The following MACROD2 variants were observed in gnomAD, a reference collection of about 807,000 sequenced individuals.
MACROD2 encodes the protein ADP-ribose glycohydrolase MACROD2.
A neutral mutation model predicts 70.4 loss-of-function variants in MACROD2; 36 were observed. That is an observed-to-expected ratio of 0.51 (90% CI 0.39 to 0.68). The LOEUF is 0.68. MACROD2 is among the 30% of genes least tolerant of loss of function. The pLI, the probability that MACROD2 is intolerant of heterozygous loss-of-function variation, is 0.00. For missense variants in MACROD2, 496 were observed against 538.4 expected, an observed-to-expected ratio of 0.92 and a Z score of 0.78; for synonymous variants, 172 against 178.8, an observed-to-expected ratio of 0.96 and a Z score of 0.30.
chr20:14,340,024 C>G (rs1027663403), intron 3 of MACROD2, among the ~76,000 whole-genome samples: 1 of 152,184 alleles, frequency 6.6e-6, no homozygotes, highest in Non-Finnish European at 1.5e-5. Flanking sequence ...TGTACAATCT[C>G]TGGAAACATG....
intron 5 of MACROD2, among the ~76,000 whole-genome samples, chr20:15,178,514 C>T (rs749133587): frequency 6.6e-6 from 1 of 152,238 alleles, no homozygotes; most frequent in Non-Finnish European, 1.5e-5. Flanking sequence ...TGCATATAAC[C>T]CTTGCTCTAA....
chr20:14,932,881 G>T (rs1214632943), intron 5 of MACROD2, among the ~76,000 whole-genome samples: 2 of 152,110 alleles, frequency 1.3e-5, no homozygotes, highest in African/African-American at 4.8e-5. Flanking sequence ...ATGTAAAGTT[G>T]AAGTTTAAGT....
intron 8 of MACROD2, among the ~76,000 whole-genome samples, chr20:15,726,626 A>C (rs2146943350): frequency 6.6e-6 from 1 of 152,120 alleles, no homozygotes; most frequent in South Asian, 2.1e-4. Context: ...AGCCATTCTG[A>C]CTGGTGTGAG....
chr20:14,936,520 GA>G (rs781117136), intron 5 of MACROD2, among the ~76,000 whole-genome samples: 9 of 152,002 alleles, frequency 5.9e-5, no homozygotes, highest in Non-Finnish European at 7.4e-5. Context: ...ATAAATACAT[GA>G]AAACTGCTGA....
chr20:14,277,270 A>C (rs1398194094), intron 3 of MACROD2, among the ~76,000 whole-genome samples: 1 of 152,202 alleles, frequency 6.6e-6, no homozygotes, highest in Non-Finnish European at 1.5e-5. Context: ...CAACATGGTG[A>C]AACCCCGTCT....
intron 5 of MACROD2, among the ~76,000 whole-genome samples, chr20:15,098,923 A>C (rs903562185): frequency 1.3e-5 from 2 of 152,224 alleles, no homozygotes; most frequent in African/African-American, 4.8e-5. Context: ...TACTAGTTAC[A>C]TTCAGAGTAG....
At chr20:15,157,349 A>ACCCCCCCCCCCCCCCCCCC (rs71870874) in intron 5 of MACROD2, among the ~76,000 whole-genome samples, 1 of 109,400 alleles carries the variant, frequency 9.1e-6, no homozygotes, top group Non-Finnish European at 1.9e-5. Context: ...CTAATTAACC[A>ACCCCCCCCCCCCCCCCCCC]CCCCCCCCCA....
intron 15 of MACROD2, among the ~76,000 whole-genome samples, chr20:16,032,654 A>C (rs4814426): frequency 0.85 from 125,820 of 148,468 alleles, 53,853 homozygotes; most frequent in South Asian, 0.91. Flanking sequence ...GGGAAGAAAG[A>C]AAAGGAAAGA....
chr20:14,479,960 T>A (rs2084643951), intron 3 of MACROD2, among the ~76,000 whole-genome samples: 1 of 152,156 alleles, frequency 6.6e-6, no homozygotes, highest in Non-Finnish European at 1.5e-5. Context: ...CACTGTAACC[T>A]CAAACTCCTG....
chr20:15,633,201 T>C (rs923160131), intron 8 of MACROD2, among the ~76,000 whole-genome samples: 2 of 148,570 alleles, frequency 1.3e-5, no homozygotes, highest in Admixed American at 6.7e-5. Context: ...TATGAATGCA[T>C]TGAAATAAAG....
intron 5 of MACROD2, among the ~76,000 whole-genome samples, chr20:14,779,739 A>G (rs569333037): frequency 1.3e-5 from 2 of 152,132 alleles, no homozygotes; most frequent in Non-Finnish European, 2.9e-5. Context: ...ACTAATCTTT[A>G]TATTCTCCGT....
chr20:14,287,461 A>G, intron 3 of MACROD2, among the ~76,000 whole-genome samples: 1 of 145,708 alleles, frequency 6.9e-6, no homozygotes, highest in East Asian at 2.0e-4. Context: ...AAAACTTATT[A>G]TATATTTGGC....
chr20:15,862,391 G>T (rs746318796), intron 8 of MACROD2, among the ~76,000 whole-genome samples: 4 of 152,106 alleles, frequency 2.6e-5, no homozygotes, highest in Non-Finnish European at 5.9e-5. Context: ...TATACCTCTC[G>T]TGTGGCTGTT....
chr20:15,243,402 G>T (rs908468248), intron 6 of MACROD2, among the ~76,000 whole-genome samples: 13 of 152,188 alleles, frequency 8.5e-5, no homozygotes, highest in African/African-American at 2.7e-4. Context: ...AATAGGCTGA[G>T]TATTCTGTAT....
intron 3 of MACROD2, among the ~76,000 whole-genome samples, chr20:14,421,810 G>A (rs997327245): frequency 6.6e-6 from 1 of 151,850 alleles, no homozygotes; most frequent in Non-Finnish European, 1.5e-5. Context: ...TTTGTTTTGT[G>A]GCTTAACATT....
At position 15,320,154 on chromosome 20, in the gene MACROD2, A is replaced by G. The variant is rs61041477; in HGVS notation, c.540+90093A>G. Among the ~76,000 whole-genome samples, 450 of 152,294 alleles carry G rather than the reference A, an allele frequency of 3.0e-3. 4 individuals carry two copies. The highest frequency in any genetic ancestry group is 0.01 in the African/African-American group (435 of 41,578). ...AAGAGGTGGAGGTTGCGGTGAGCCA[A>G]GATTTTGCCACTGCACTCCAGCCTG... is the stretch of plus-strand genomic sequence containing the variant. On this transcript the variant is annotated intron_variant, in intron 6 of 17. Coordinates refer to ENST00000684519, the MANE Select transcript of MACROD2 (RefSeq NM_001351661.2).
chr20:15,612,656 C>T (rs1211866772), intron 8 of MACROD2, among the ~76,000 whole-genome samples: 1 of 152,238 alleles, frequency 6.6e-6, no homozygotes, highest in Admixed American at 6.5e-5. Flanking sequence ...ATTAGAGTCA[C>T]AGACGTTCCA....
intron 6 of MACROD2, among the ~76,000 whole-genome samples, chr20:15,232,567 T>C (rs539907323): frequency 2.1e-4 from 32 of 152,130 alleles, no homozygotes; most frequent in African/African-American, 7.7e-4. Flanking sequence ...CGGGATAATG[T>C]GTATAAGATA....
At chr20:16,024,388 A>AAAAC (rs1331651370) in intron 15 of MACROD2, among the ~76,000 whole-genome samples, 2 of 152,332 alleles carry the variant, frequency 1.3e-5, no homozygotes, top group African/African-American at 4.8e-5. Context: ...AAATGTCTTC[A>AAAAC]AAACAATGAA....
Sources: gnomAD v4.1 joint callset for allele counts (sites outside exome capture counted in the v4.1 genomes callset) on GRCh38, gnomAD v4.1.1 for gene constraint, MANE v1.5 for transcripts, NCBI Gene and HGNC (gene_info 2026-07-23, HGNC 2026-07-21) for gene names.